Variants in KIAA1671 observed in about 807,000 individuals in gnomAD.
KIAA1671 encodes uncharacterized protein KIAA1671.
A neutral mutation model predicts 131.2 loss-of-function variants in KIAA1671; 52 were observed. That is an observed-to-expected ratio of 0.40 (90% CI 0.32 to 0.50). The LOEUF (loss-of-function observed/expected upper bound fraction) is 0.50. KIAA1671 is among the 20% of genes least tolerant of loss of function. The pLI is 0.73. For missense variants in KIAA1671, 2,360 were observed against 2,364.2 expected, an observed-to-expected ratio of 1.00 and a Z score of 0.04; for synonymous variants, 1,003 against 961.6, an observed-to-expected ratio of 1.04 and a Z score of -0.80.
chr22:25,167,848 A>G (rs1377997645), intron 6 of KIAA1671, among the ~76,000 whole-genome samples: 1 of 152,206 alleles, frequency 6.6e-6, no homozygotes, highest in East Asian at 1.9e-4. Flanking sequence ...GGCAAGAGAA[A>G]GAGAATGGAA....
chr22:25,147,162 A>AT (rs1412095274), intron 6 of KIAA1671, among the ~76,000 whole-genome samples: 1 of 55,360 alleles, frequency 1.8e-5, no homozygotes, highest in Non-Finnish European at 3.0e-5. Flanking sequence ...TTACTATTTT[A>AT]TTTTATTTTA....
intron 3 of KIAA1671, among the ~76,000 whole-genome samples, chr22:25,030,839 T>C (rs2145791200): frequency 6.6e-6 from 1 of 152,290 alleles, no homozygotes; most frequent in Admixed American, 6.5e-5. Flanking sequence ...GGGTGGAGCT[T>C]GCAAAGGCAG....
In KIAA1671 at chr22:25,151,342, ATATG is replaced by A. The variant is rs992532197; in HGVS notation, c.4531-19474_4531-19471del. ...ATATAATAAATATATAAATAAATAT[ATATG>A]TATACATATATTTTTGTTTATATAC... On this transcript the variant is annotated intron_variant, in intron 6 of 12. Coordinates refer to ENST00000358431, the MANE Select transcript of KIAA1671 (RefSeq NM_001145206.2). Among the ~76,000 whole-genome samples the A allele has an allele frequency of 4.7e-5, 7 of 148,162 alleles. No individual in the cohort carries two copies. In the South Asian group the frequency reaches 6.2e-4, roughly 13 times the overall value.
intron 6 of KIAA1671, chr22:25,063,145 G>A (rs999962265): frequency 6.6e-6 from 1 of 152,052 alleles, no homozygotes. Flanking sequence ...AGTAAGAAGG[G>A]ATGGTTGATT....
chr22:25,133,453 T>G (rs1490148460), intron 6 of KIAA1671, among the ~76,000 whole-genome samples: 1 of 152,248 alleles, frequency 6.6e-6, no homozygotes, highest in Non-Finnish European at 1.5e-5. Context: ...TGTTTTCCTT[T>G]TAGAAGTAGA....
At chr22:25,105,984 G>C (rs541237384) in intron 6 of KIAA1671, among the ~76,000 whole-genome samples, 1 of 152,196 alleles carries the variant, frequency 6.6e-6, no homozygotes, top group Non-Finnish European at 1.5e-5. Flanking sequence ...GTGTAATACA[G>C]TGATGCAATG....
chr22:25,169,620 G>A (rs942340478), intron 6 of KIAA1671, among the ~76,000 whole-genome samples: 2 of 152,186 alleles, frequency 1.3e-5, no homozygotes, highest in African/African-American at 4.8e-5. Flanking sequence ...ACATCACAGG[G>A]AATGGGCTTT....
At chr22:25,167,267 CT>C (rs2146005751) in intron 6 of KIAA1671, among the ~76,000 whole-genome samples, 1 of 152,326 alleles carries the variant, frequency 6.6e-6, no homozygotes, top group Admixed American at 6.5e-5. Context: ...TAGGCAGCCT[CT>C]TCCAAAGCTG....
chr22:25,081,145 TC>T (rs572128991), intron 6 of KIAA1671, among the ~76,000 whole-genome samples: 497 of 152,314 alleles, frequency 3.3e-3, no homozygotes, highest in Non-Finnish European at 5.1e-3. Flanking sequence ...GAGCCAGGAT[TC>T]CAGGATGCAA....
intron 6 of KIAA1671, among the ~76,000 whole-genome samples, chr22:25,111,525 G>A (rs971782109): frequency 3.3e-5 from 5 of 152,224 alleles, no homozygotes; most frequent in Admixed American, 2.0e-4. Flanking sequence ...GGGACCCGGG[G>A]GCCCTGGTGG....
chr22:25,052,470 A>G lies in KIAA1671; in HGVS notation c.4530+3106A>G, dbSNP rs377699836. ...GCAATAACAAAGCCTAACACTTACT[A>G]TCGTTACATGTCATGTAGATACTGC... On this transcript the variant is annotated intron_variant, in intron 6 of 12. Transcript: ENST00000358431. 8 of 152,310 alleles carry G rather than the reference A, an allele frequency of 5.3e-5. No homozygotes were observed. The East Asian group carries it at 1.2e-3, about 22-fold the overall frequency. 9.4% of individuals were successfully genotyped at this position (152,310 alleles called of 1,614,324 possible). A position where few individuals can be genotyped will look rare whatever the true frequency, so the allele number is the denominator to read the frequency against.
chr22:25,127,999 G>A (rs1410931035), intron 6 of KIAA1671, among the ~76,000 whole-genome samples: 1 of 152,212 alleles, frequency 6.6e-6, no homozygotes, highest in African/African-American at 2.4e-5. Context: ...TCAAATCCTG[G>A]CACCACACTT....
chr22:25,067,790 C>A (rs1431740191), intron 6 of KIAA1671, among the ~76,000 whole-genome samples: 2 of 152,212 alleles, frequency 1.3e-5, no homozygotes, highest in Non-Finnish European at 2.9e-5. Context: ...CCCCTGTCAG[C>A]CAAGGGGTGT....
intron 6 of KIAA1671, among the ~76,000 whole-genome samples, chr22:25,133,832 G>A (rs1356892002): frequency 2.0e-5 from 3 of 152,180 alleles, no homozygotes; most frequent in Admixed American, 2.0e-4. Context: ...ACAGGTGCGA[G>A]CCACCGCATC....
chr22:25,155,901 GTATA>G (rs767823519), intron 6 of KIAA1671, among the ~76,000 whole-genome samples: 1 of 145,850 alleles, frequency 6.9e-6, no homozygotes, highest in Non-Finnish European at 1.5e-5. Flanking sequence ...GTATGTGTAT[GTATA>G]TAGTTTTTTT....
At chr22:25,051,475 C>A (rs1401224008) in intron 6 of KIAA1671, 1 of 152,196 alleles carries the variant, frequency 6.6e-6, no homozygotes, top group Non-Finnish European at 1.5e-5. Context: ...AATGAGATCA[C>A]CCAGCACATA....
chr22:25,140,377 T>C (rs1932789031), intron 6 of KIAA1671, among the ~76,000 whole-genome samples: 1 of 152,208 alleles, frequency 6.6e-6, no homozygotes, highest in African/African-American at 2.4e-5. Context: ...TCTCTTTTTT[T>C]TTCCTTTTTT....
intron 1 of KIAA1671, among the ~76,000 whole-genome samples, chr22:25,018,016 C>CCAACCT (rs1406236267): frequency 6.6e-6 from 1 of 151,650 alleles, no homozygotes; most frequent in Non-Finnish European, 1.5e-5. Flanking sequence ...TCTGCTGACA[C>CCAACCT]CAACCTCCTC....
intron 1 of KIAA1671, among the ~76,000 whole-genome samples, chr22:24,972,238 G>A (rs1220148888): frequency 2.0e-5 from 3 of 152,152 alleles, no homozygotes; most frequent in Non-Finnish European, 4.4e-5. Flanking sequence ...AATGGTTATT[G>A]AGCACTTGCT....
Sources: allele counts gnomAD v4.1 joint callset (sites outside exome capture counted in the v4.1 genomes callset), GRCh38; gene constraint gnomAD v4.1.1; transcripts MANE v1.5; gene names NCBI Gene and HGNC (gene_info 2026-07-23, HGNC 2026-07-21).